Variants in PCDHGA3 observed in about 807,000 individuals in gnomAD.
The protein encoded by PCDHGA3 is protocadherin gamma subfamily A, 3.
Under a neutral mutation model 58.5 loss-of-function variants are expected in PCDHGA3, and 40 were observed. The observed-to-expected ratio is 0.68, with a 90% CI of 0.53 to 0.89. PCDHGA3 has a LOEUF of 0.89. PCDHGA3 is among the 40% of genes least tolerant of loss of function. The pLI is 0.00. For synonymous variants in PCDHGA3, 530 were observed against 525.7 expected (o/e 1.01, Z -0.11); for missense variants, 1,223 against 1,195.9 (o/e 1.02, Z -0.33).
At position 141,344,903 on chromosome 5, in the gene PCDHGA3, G is replaced by T. The variant is rs750934380; in HGVS notation, c.870G>T (p.Glu290Asp). 1.5e-5 allele frequency: 24 copies of T among 1,613,758 alleles called. No homozygotes were observed. Among genetic ancestry groups the T allele is most frequent in the Non-Finnish European group, 1.9e-5 (23 of 1,179,878 alleles). The change falls in exon 1 of 4, where the codon GAG (glutamate) becomes GAT (aspartate). Residue 290 changes from glutamate (E) to aspartate (D), a missense_variant. Around this residue, in one of 3 missense-constraint regions of PCDHGA3, gnomAD observed 791 missense variants for 708.5 expected, o/e 1.12. Coordinates refer to ENST00000253812, the MANE Select transcript of PCDHGA3 (RefSeq NM_018916.4). Reference sequence around the variant, plus strand: ...ATAAAATGCCTGGGAAAATCGCTGAGATTTTCCATCTTAACTCAGTGAGTG... The same window carrying T: ...ATAAAATGCCTGGGAAAATCGCTGATATTTTCCATCTTAACTCAGTGAGTG... Reference protein sequence around the residue: ...ILDKMPGKIAEIFHLNSVSGE... With the variant: ...ILDKMPGKIADIFHLNSVSGE...
intron 1 of PCDHGA3, among the ~76,000 whole-genome samples, chr5:141,475,231 G>A (rs1188161872): frequency 6.6e-6 from 1 of 152,190 alleles, no homozygotes; most frequent in Admixed American, 6.5e-5. Flanking sequence ...AAAGGGAAAC[G>A]ATAGAGAGAG....
At chr5:141,362,050 C>G (rs750121912) in intron 1 of PCDHGA3, 8 of 1,611,220 alleles carry the variant, frequency 5.0e-6, no homozygotes, top group Admixed American at 1.7e-5. Flanking sequence ...GGACGCGGCC[C>G]GCCAGCGCCT....
At chr5:141,427,006 G>C (rs1288837425) in intron 1 of PCDHGA3, 3 of 456,792 alleles carry the variant, frequency 6.6e-6, no homozygotes, top group South Asian at 3.1e-5. Flanking sequence ...CCAGTTTTTA[G>C]CCAGGATGTA....
At position 141,487,621 on chromosome 5, in the gene PCDHGA3, A is replaced by G; in HGVS notation, c.2425-7186A>G. The G allele has an allele frequency of 6.2e-7, 1 of 1,614,164 alleles. No individual in the cohort carries two copies. On this transcript the variant is annotated intron_variant, in intron 1 of 3. Transcript: ENST00000253812. This position sits in a 1 kb window ranked among gnomAD's most constrained non-coding sequence, Gnocchi z 5.0. ...ATCTTCTCTATGGGCTAGAGGTGAG[A>G]CCTTTGCAGGCTCAACAAATGCTTG... is the stretch of plus-strand genomic sequence containing the variant.
chr5:141,486,416 C>T lies in PCDHGA3; in HGVS notation c.2425-8391C>T, dbSNP rs2154580601. The T allele has an allele frequency of 6.2e-7, 1 of 1,614,152 alleles. No individual in the cohort carries two copies. The highest frequency in any genetic ancestry group is 8.5e-7 in the Non-Finnish European group (1 of 1,180,016). On this transcript the variant is annotated intron_variant, in intron 1 of 3. Coordinates refer to ENST00000253812, the MANE Select transcript of PCDHGA3 (RefSeq NM_018916.4). This position sits in a 1 kb window ranked among gnomAD's most constrained non-coding sequence, Gnocchi z 5.0. ...CCTGGTGACTGCTGGACCCTTGGAT[C>T]GAGAGGCCAAATCTAGCTATGACAT...
At chr5:141,396,952 A>G (rs2093458879) in intron 1 of PCDHGA3, among the ~76,000 whole-genome samples, 1 of 152,196 alleles carries the variant, frequency 6.6e-6, no homozygotes, top group African/African-American at 2.4e-5. Context: ...AGGAAAGAAA[A>G]TCCTTACTCT....
chr5:141,492,908 A>G (rs1595151443), intron 1 of PCDHGA3, among the ~76,000 whole-genome samples: 2 of 152,302 alleles, frequency 1.3e-5, no homozygotes, highest in African/African-American at 4.8e-5. Context: ...TCGTGATCAC[A>G]ATGTGCCCAG....
chr5:141,394,475 C>T (rs1205262995), intron 1 of PCDHGA3: 1 of 1,614,242 alleles, frequency 6.2e-7, no homozygotes, highest in South Asian at 1.1e-5. Context: ...TCGTGCTGGA[C>T]CAGAATGACA....
chr5:141,375,003 T>C lies in PCDHGA3; in HGVS notation c.2424+28546T>C, dbSNP rs376283841. The C allele has an allele frequency of 7.7e-5, 124 of 1,613,936 alleles. No individual in the cohort carries two copies. Among genetic ancestry groups the C allele is most frequent in the Non-Finnish European group, 1.0e-4 (120 of 1,179,910 alleles). The stretch of plus-strand genomic sequence containing the variant: ...GGAGAAATTTCAACTTCTGCAAATC[T>C]AGACTATGAGGACTCGAGTTTTTAT... On this transcript the variant is annotated intron_variant, in intron 1 of 3. Transcript: ENST00000253812.
At position 141,491,681 on chromosome 5, in the gene PCDHGA3, C is replaced by T; in HGVS notation, c.2425-3126C>T. 6.2e-6 allele frequency: 10 copies of T among 1,613,458 alleles called. No homozygotes were observed. Among genetic ancestry groups the T allele is most frequent in the Non-Finnish European group, 8.5e-6 (10 of 1,179,804 alleles). On this transcript the variant is annotated intron_variant, in intron 1 of 3. Transcript: ENST00000253812. The surrounding 1 kb of genome is among the most constrained non-coding windows in gnomAD (Gnocchi z 6.9). ...GACGCCATCCGGTCCCGCTCTAATA[C>T]GCTGCGGGAGCGGAGCCAGGTGAGG...
chr5:141,410,186 C>G, intron 1 of PCDHGA3: 1 of 1,613,940 alleles, frequency 6.2e-7, no homozygotes, highest in Non-Finnish European at 8.5e-7. Flanking sequence ...CACGCTTCAT[C>G]TGGTCTTCGC....
intron 1 of PCDHGA3, chr5:141,364,798 C>T (rs1290164632): frequency 2.5e-6 from 4 of 1,613,890 alleles, no homozygotes; most frequent in Non-Finnish European, 3.4e-6. Context: ...TGCTTCCCTT[C>T]GCGCGGGATG....
intron 1 of PCDHGA3, among the ~76,000 whole-genome samples, chr5:141,348,047 TC>T (rs1250489792): frequency 6.6e-6 from 1 of 152,198 alleles, no homozygotes; most frequent in African/African-American, 2.4e-5. Context: ...GGAATAGAAG[TC>T]CCTTCTTTTG....
intron 1 of PCDHGA3, chr5:141,395,290 T>A: frequency 6.5e-7 from 1 of 1,529,840 alleles, no homozygotes; most frequent in Non-Finnish European, 8.8e-7. Flanking sequence ...TTATTTGGCA[T>A]AAATTATGTT....
chr5:141,394,365 C>T (rs1451388519), intron 1 of PCDHGA3: 1 of 1,614,212 alleles, frequency 6.2e-7, no homozygotes, highest in South Asian at 1.1e-5. Context: ...GTATGCGCTG[C>T]AATCTTTCGA....
rs141605264 is a variant in PCDHGA3, at chr5:141,479,755, A to C, written c.2425-15052A>C. The C allele has an allele frequency of 2.6e-3, 390 of 152,364 alleles. 2 individuals are homozygous for C. The highest frequency in any genetic ancestry group is 9.1e-3 in the African/African-American group (378 of 41,580). 9.4% of individuals were successfully genotyped at this position (152,364 alleles called of 1,614,324 possible). On this transcript the variant is annotated intron_variant, in intron 1 of 3. Coordinates refer to ENST00000253812, the MANE Select transcript of PCDHGA3 (RefSeq NM_018916.4). ...AGTATATGCACAATGTGAAAGGTAG[A>C]TAAATTCATATCCTTAGACAGGTAA...
intron 1 of PCDHGA3, chr5:141,423,492 C>T (rs2154550191): frequency 1.2e-6 from 2 of 1,613,972 alleles, no homozygotes; most frequent in East Asian, 4.5e-5. Context: ...AAACCTATTC[C>T]CACGAGGTCT....
intron 1 of PCDHGA3, chr5:141,430,973 A>G: frequency 6.2e-7 from 1 of 1,613,266 alleles, no homozygotes; most frequent in East Asian, 2.2e-5. Flanking sequence ...CAGAGGTAGG[A>G]CGCAGCTTTT....
intron 1 of PCDHGA3, among the ~76,000 whole-genome samples, chr5:141,430,347 A>C (rs2097274758): frequency 6.6e-6 from 1 of 151,944 alleles, no homozygotes; most frequent in Non-Finnish European, 1.5e-5. Flanking sequence ...CTTCCAATTC[A>C]TTTAAAAGCT....
Sources: gnomAD v4.1 joint callset for allele counts (sites outside exome capture counted in the v4.1 genomes callset) on GRCh38, gnomAD v4.1.1 for gene constraint, gnomAD v4.1.1 regional missense constraint, Gnocchi (gnomAD v3.1) non-coding constraint, MANE v1.5 for transcripts, NCBI Gene and HGNC (gene_info 2026-07-23, HGNC 2026-07-21) for gene names.